Variants in PRDM10 observed in about 807,000 individuals in gnomAD.
PRDM10 encodes the protein PR domain zinc finger protein 10.
PRDM10 carries 65 observed loss-of-function variants against 133.1 expected under a neutral mutation model. The observed-to-expected ratio is 0.49, with a 90% CI of 0.40 to 0.60. The LOEUF is 0.60. Ranked by LOEUF, PRDM10 falls within the 20% of genes least tolerant of loss-of-function variation. PRDM10 has a pLI of 0.00. For synonymous variants in PRDM10, 582 were observed against 580.4 expected (o/e 1.00, Z -0.04); for missense variants, 1,137 against 1,507.1 (o/e 0.75, Z 4.07).
In PRDM10 at chr11:129,902,773, T is replaced by C. The variant is rs958123428; in HGVS notation, c.3268-257A>G. On this transcript the variant is annotated intron_variant, in intron 20 of 20. Coordinates refer to ENST00000360871, the MANE Select transcript of PRDM10 (RefSeq NM_199437.2). ...ACTTCAGGTACAGTAATTTGCATCATGGTGGTAACATACGTGGCAAAGAAA... is the reference window on the plus strand; with the variant it reads ...ACTTCAGGTACAGTAATTTGCATCACGGTGGTAACATACGTGGCAAAGAAA... Among the ~76,000 whole-genome samples the C allele has an allele frequency of 6.6e-5, 10 of 152,308 alleles. No individual in the cohort carries two copies. The South Asian group carries it at 1.2e-3, about 19-fold the overall frequency.
chr11:129,943,891 G>T (rs534132411), intron 6 of PRDM10, among the ~76,000 whole-genome samples: 5 of 152,278 alleles, frequency 3.3e-5, no homozygotes, highest in African/African-American at 1.2e-4. Context: ...TACTCGGGAG[G>T]CTGAGGCAGG....
chr11:129,946,965 G>C (rs1344827051), intron 5 of PRDM10, among the ~76,000 whole-genome samples, 180 bp downstream of exon 5: 2 of 152,144 alleles, frequency 1.3e-5, no homozygotes, highest in African/African-American at 2.4e-5. Context: ...AAACGAAGGA[G>C]AGTGTCCCTC....
chr11:129,902,599 G>T, intron 20 of PRDM10, 83 bp from the exon 21 acceptor site: 2 of 1,509,168 alleles, frequency 1.3e-6, no homozygotes, highest in Admixed American at 2.2e-5. Context: ...GAGATGTGAA[G>T]AAATGTCACA....
intron 17 of PRDM10, 65 bp downstream of exon 17, chr11:129,914,639 T>C: frequency 1.3e-6 from 2 of 1,591,444 alleles, no homozygotes; most frequent in South Asian, 1.1e-5. Flanking sequence ...GCCCCAGCTC[T>C]GAGAATGAGG....
At chr11:129,960,276 A>G (rs1360419780) in intron 2 of PRDM10, among the ~76,000 whole-genome samples, 1 of 152,240 alleles carries the variant, frequency 6.6e-6, no homozygotes, top group African/African-American at 2.4e-5. Context: ...CACATAAAAC[A>G]TGGCTCCATA....
At chr11:129,915,623 G>T (rs776774933) in intron 16 of PRDM10, 37 bp downstream of exon 16, 2 of 1,527,728 alleles carry the variant, frequency 1.3e-6, no homozygotes, top group South Asian at 1.3e-5. Flanking sequence ...CTCGCATGGC[G>T]GTTTTGACCT....
In PRDM10 at chr11:129,902,126, T is replaced by C. The variant is rs1949858099; in HGVS notation, c.*187A>G. The C allele has an allele frequency of 6.5e-6, 5 of 765,850 alleles. No homozygotes were observed. Among genetic ancestry groups the C allele is most frequent in the Non-Finnish European group, 9.9e-6 (5 of 504,362 alleles). 47.4% of individuals were successfully genotyped at this position (765,850 alleles called of 1,614,324 possible). On this transcript the variant is annotated 3_prime_UTR_variant, in exon 21 of 21. Coordinates refer to ENST00000360871, the MANE Select transcript of PRDM10 (RefSeq NM_199437.2). ...TGTTCTGTGGCAAAAACCGAGGGTT[T>C]GAAGAGTCAATTTGATAAAGATGAC... is the stretch of plus-strand genomic sequence containing the variant.
chr11:129,960,948 T>C lies in PRDM10; in HGVS notation c.17A>G (p.Glu6Gly), dbSNP rs373593287. 1.2e-6 allele frequency: 2 copies of C among 1,614,034 alleles called. No homozygotes were observed. Among genetic ancestry groups the C allele is most frequent in the South Asian group, 1.1e-5 (1 of 91,086 alleles). ...AGATGTCGGCCACACATGCGAGCTT[T>C]CATCTTTGGAATCCATCTTCTCCCA... is the stretch of plus-strand genomic sequence containing the variant. MDSKD[E>G]SSHVWPTSAE... Residue 6 changes from glutamate (E) to glycine (G), a missense_variant, in exon 2 of 21, where the codon GAA becomes GGA. Physicochemically the swap from Glu to Gly is moderately conservative, Grantham distance 98 (BLOSUM62 -2). Transcript: ENST00000360871.
At chr11:129,973,237 G>A (rs1937611722) in intron 1 of PRDM10, among the ~76,000 whole-genome samples, 1 of 152,146 alleles carries the variant, frequency 6.6e-6, no homozygotes, top group Non-Finnish European at 1.5e-5. Flanking sequence ...AACCTGCTAG[G>A]GTAAAAAGTG....
chr11:129,986,752 C>T (rs897734515), intron 1 of PRDM10, among the ~76,000 whole-genome samples: 9 of 152,140 alleles, frequency 5.9e-5, no homozygotes, highest in Non-Finnish European at 1.3e-4. Context: ...ACTGCCAGCT[C>T]CAGCTCCATG....
chr11:129,987,299 A>G (rs754807993), intron 1 of PRDM10, among the ~76,000 whole-genome samples: 2 of 152,028 alleles, frequency 1.3e-5, no homozygotes, highest in African/African-American at 4.8e-5. Flanking sequence ...TATTAATGAT[A>G]CTCTGGTTTC....
At chr11:129,915,108 G>A (rs892622338) in intron 16 of PRDM10, 90 bp from the exon 17 acceptor site, 2 of 1,342,484 alleles carry the variant, frequency 1.5e-6, no homozygotes, top group Admixed American at 2.6e-5. Context: ...GATTCCTAAA[G>A]TCTTTTATGT....
At chr11:129,915,552 T>G in intron 16 of PRDM10, 108 bp downstream of exon 16, 1 of 1,215,088 alleles carries the variant, frequency 8.2e-7, no homozygotes, top group Non-Finnish European at 1.1e-6. Context: ...CAGTCCCCCG[T>G]CAACTCAGAA....
chr11:129,952,824 C>T (rs1166469749), intron 4 of PRDM10, among the ~76,000 whole-genome samples: 1 of 152,036 alleles, frequency 6.6e-6, no homozygotes, highest in Admixed American at 6.6e-5. Context: ...CTGGCCAATT[C>T]ATGGCCAATC....
In PRDM10 at chr11:129,915,750, G is replaced by T; in HGVS notation, c.2436C>A (p.Asp812Glu). Residue 812 changes from aspartate (D) to glutamate (E), a missense_variant, in exon 16 of 21, where the codon GAC becomes GAA. Physicochemically the swap from Asp to Glu is conservative, Grantham distance 45. Around this residue, in one of 6 missense-constraint regions of PRDM10, gnomAD observed 65 missense variants for 151.1 expected, o/e 0.43. Transcript: ENST00000360871. ...GCTGGGTGTGTGTGCTCAGCATGGG[G>T]TCTGGCTCTCCAGGACCAGCGGGTC... ...KLRPAGPGEP[D>E]PMLSTHTQLT... 2 of 1,614,210 alleles carry T rather than the reference G, an allele frequency of 1.2e-6. No individual in the cohort carries two copies. The highest frequency in any genetic ancestry group is 2.2e-5 in the East Asian group (1 of 44,876).
intron 1 of PRDM10, among the ~76,000 whole-genome samples, chr11:129,983,685 A>G (rs1238357315): frequency 6.6e-6 from 1 of 152,226 alleles, no homozygotes; most frequent in Admixed American, 6.5e-5. Flanking sequence ...CTTAGTGTAT[A>G]CAGGAGAGGA....
At position 129,955,630 on chromosome 11, in the gene PRDM10, G is replaced by A; in HGVS notation, c.235-59C>T. The A allele has an allele frequency of 3.9e-6, 6 of 1,541,502 alleles. 1 individual carries two copies. The South Asian group carries it at 6.8e-5, about 18-fold the overall frequency. On this transcript the variant is annotated intron_variant, in intron 3 of 20. Coordinates refer to ENST00000360871, the MANE Select transcript of PRDM10 (RefSeq NM_199437.2). ...GCTCTTTGGATAGCCTGCCTACACA[G>A]AAAAATTATCCTACTGCTAAGCACC...
chr11:129,919,806 C>G (rs921439952), intron 13 of PRDM10, among the ~76,000 whole-genome samples: 7 of 152,188 alleles, frequency 4.6e-5, no homozygotes, highest in Non-Finnish European at 2.9e-5. Flanking sequence ...ACAAATATTC[C>G]TTGAGGGCCT....
rs891174554 is a variant in PRDM10, at chr11:129,923,557, A to G, written c.1879-154T>C. 5.3e-5 allele frequency among the ~76,000 whole-genome samples: 8 copies of G among 151,880 alleles called. No individual in the cohort carries two copies. Among genetic ancestry groups the G allele is most frequent in the Non-Finnish European group, 7.4e-5 (5 of 67,980 alleles). On this transcript the variant is annotated intron_variant, in intron 12 of 20. Transcript: ENST00000360871. This position sits in a 1 kb window ranked among gnomAD's most constrained non-coding sequence, Gnocchi z 4.4. The stretch of plus-strand genomic sequence containing the variant: ...CAATCAGATGTGATAATTGGCCTCA[A>G]TAACACATACTGTCCCTGTCACAAA...
Sources: allele counts gnomAD v4.1 joint callset (sites outside exome capture counted in the v4.1 genomes callset), GRCh38; gene constraint gnomAD v4.1.1; regional missense constraint gnomAD v4.1.1; non-coding constraint Gnocchi (gnomAD v3.1); transcripts MANE v1.5; gene names NCBI Gene and HGNC (gene_info 2026-07-23, HGNC 2026-07-21).